The following SDR9C7 variants were observed in gnomAD, a reference collection of about 807,000 sequenced individuals.
The protein encoded by SDR9C7 is short-chain dehydrogenase/reductase family 9C member 7.
SDR9C7 carries 11 observed loss-of-function variants against 23.6 expected under a neutral mutation model. The ratio of observed to expected loss-of-function variants is 0.47; its 90% CI spans 0.29 to 0.77. SDR9C7 has a LOEUF of 0.77. Among genes scored for constraint, SDR9C7 ranks in the 30% least tolerant of loss-of-function variants. SDR9C7 has a pLI of 0.09. For missense variants in SDR9C7, 387 were observed against 407.1 expected, an observed-to-expected ratio of 0.95 and a Z score of 0.42; for synonymous variants, 167 against 157.3, an observed-to-expected ratio of 1.06 and a Z score of -0.46.
At chr12:56,928,861 T>A (rs1289674841) in intron 3 of SDR9C7, among the ~76,000 whole-genome samples, 1 of 152,144 alleles carries the variant, frequency 6.6e-6, no homozygotes, top group African/African-American at 2.4e-5. Flanking sequence ...CCCTCCCTTT[T>A]AAATCCCCAT....
In SDR9C7 at chr12:56,923,754, G is replaced by A. The variant is rs1955713430; in HGVS notation, c.*79C>T. ...TGCAGCCAATGCCCCCAGGATAACCGATACCACCTTTTGTGACCCCACGGT... is the reference window on the plus strand; with the variant it reads ...TGCAGCCAATGCCCCCAGGATAACCAATACCACCTTTTGTGACCCCACGGT... On this transcript the variant is annotated 3_prime_UTR_variant, in exon 4 of 4. Coordinates refer to ENST00000293502, the MANE Select transcript of SDR9C7 (RefSeq NM_148897.3). 3.4e-6 allele frequency: 4 copies of A among 1,182,024 alleles called. No individual in the cohort carries two copies. The highest frequency in any genetic ancestry group is 1.5e-5 in the South Asian group (1 of 65,018). The allele number at this position is 1,182,024 out of a possible 1,614,324, so 73.2% of individuals were successfully genotyped here.
intron 1 of SDR9C7, among the ~76,000 whole-genome samples, chr12:56,931,824 A>T (rs981769483): frequency 6.6e-6 from 1 of 151,984 alleles, no homozygotes; most frequent in Admixed American, 6.6e-5. Context: ...CAGCCCCAAG[A>T]TACTCTGCAG....
At position 56,930,359 on chromosome 12, in the gene SDR9C7, G is replaced by A. The variant is rs2136369068; in HGVS notation, c.427C>T (p.His143Tyr). 2 of 1,614,128 alleles carry A rather than the reference G, an allele frequency of 1.2e-6. No homozygotes were observed. Among genetic ancestry groups the A allele is most frequent in the East Asian group, 2.2e-5 (1 of 44,866 alleles). The change falls in exon 2 of 4, where the codon CAC becomes TAC. Residue 143 changes from histidine (H) to tyrosine (Y), a missense_variant. Physicochemically the swap from His to Tyr is moderately conservative, Grantham distance 83. Coordinates refer to ENST00000293502, the MANE Select transcript of SDR9C7 (RefSeq NM_148897.3). ...GCTCTCTTGACCATGGGCAGCATGT[G>A]AAGGGTCACTTCGATCAGTCCCACC... ...NLVGLIEVTL[H>Y]MLPMVKRARG...
intron 3 of SDR9C7, among the ~76,000 whole-genome samples, chr12:56,927,609 C>T (rs1955742860): frequency 6.6e-6 from 1 of 152,154 alleles, no homozygotes; most frequent in Admixed American, 6.5e-5. Flanking sequence ...ATCTTGTGGT[C>T]CCCCATGACG....
intron 1 of SDR9C7, among the ~76,000 whole-genome samples, chr12:56,933,394 C>T (rs1021459742): frequency 6.6e-6 from 1 of 151,916 alleles, no homozygotes; most frequent in Non-Finnish European, 1.5e-5. Context: ...GATTCTTGCT[C>T]TGTCACGAGG....
Position 56,934,328 on chromosome 12 carries a change from T to C in SDR9C7, c.-67A>G. The stretch of plus-strand genomic sequence containing the variant: ...GAGACAGCAGGGAAGAAGCTGGTCC[T>C]CTGAGCCCTAGCAGGCAGTCTGCAG... On this transcript the variant is annotated 5_prime_UTR_variant, in exon 1 of 4. Transcript: ENST00000293502. The C allele has an allele frequency of 7.1e-7, 1 of 1,416,118 alleles. No individual in the cohort carries two copies. Among genetic ancestry groups the C allele is most frequent in the Non-Finnish European group, 9.7e-7 (1 of 1,030,836 alleles). 87.7% of individuals were successfully genotyped at this position (1,416,118 alleles called of 1,614,324 possible).
intron 3 of SDR9C7, among the ~76,000 whole-genome samples, 165 bp downstream of exon 3, chr12:56,929,225 T>C (rs748015594): frequency 6.6e-6 from 1 of 152,160 alleles, no homozygotes; most frequent in Non-Finnish European, 1.5e-5. Context: ...AAGTGATGAT[T>C]CTGCCACTTG....
At chr12:56,930,692 G>A (rs185375960) in intron 1 of SDR9C7, among the ~76,000 whole-genome samples, 3 of 152,296 alleles carry the variant, frequency 2.0e-5, no homozygotes, top group Admixed American at 1.3e-4. Context: ...AAAGTCTGCC[G>A]GCTAGCTGGC....
intron 3 of SDR9C7, among the ~76,000 whole-genome samples, chr12:56,927,130 G>C (rs528360174): frequency 6.6e-5 from 10 of 152,322 alleles, no homozygotes; most frequent in African/African-American, 2.4e-4. Flanking sequence ...AAATTATGGT[G>C]TGGACTACAG....
chr12:56,934,362 C>T lies in SDR9C7; in HGVS notation c.-101G>A. On this transcript the variant is annotated 5_prime_UTR_variant, in exon 1 of 4. Coordinates refer to ENST00000293502, the MANE Select transcript of SDR9C7 (RefSeq NM_148897.3). Reference sequence around the variant, plus strand: ...TAGCAGGCAGTCTGCAGGAAACCACCTGGAAGAAGAACTCTCCTTCCTCCC... The same window carrying T: ...TAGCAGGCAGTCTGCAGGAAACCACTTGGAAGAAGAACTCTCCTTCCTCCC... 1.0e-6 allele frequency: 1 copy of T among 996,272 alleles called. No homozygotes were observed. Among genetic ancestry groups the T allele is most frequent in the African/African-American group, 1.6e-5 (1 of 61,978 alleles). The allele number at this position is 996,272 out of a possible 1,614,324, so 61.7% of individuals were successfully genotyped here. A position where few individuals can be genotyped will look rare whatever the true frequency, so the allele number is the denominator to read the frequency against.
Position 56,923,642 on chromosome 12 carries a change from C to A in SDR9C7, c.*191G>T. On this transcript the variant is annotated 3_prime_UTR_variant, in exon 4 of 4. Transcript: ENST00000293502. ...GACCACCTCAGGTTTCTGTGGGGTCCCAGAGGGTGGGAAGAGGCATTCACC... is the reference window on the plus strand; with the variant it reads ...GACCACCTCAGGTTTCTGTGGGGTCACAGAGGGTGGGAAGAGGCATTCACC... The A allele has an allele frequency of 1.9e-6, 1 of 515,546 alleles. No homozygotes were observed. The highest frequency in any genetic ancestry group is 3.4e-6 in the Non-Finnish European group (1 of 293,988). The allele number at this position is 515,546 out of a possible 1,614,324, so 31.9% of individuals were successfully genotyped here. A position where few individuals can be genotyped will look rare whatever the true frequency, so the allele number is the denominator to read the frequency against.
chr12:56,929,088 C>T (rs1186551715), intron 3 of SDR9C7, among the ~76,000 whole-genome samples: 1 of 152,176 alleles, frequency 6.6e-6, no homozygotes, highest in African/African-American at 2.4e-5. Flanking sequence ...GCTCCAGCAG[C>T]CATGCCCTTG....
chr12:56,924,321 C>T (rs761920448), intron 3 of SDR9C7, among the ~76,000 whole-genome samples: 2 of 151,876 alleles, frequency 1.3e-5, no homozygotes, highest in African/African-American at 2.4e-5. Context: ...CCCAGCTACT[C>T]GGGAGGCTGA....
intron 2 of SDR9C7, 73 bp from the exon 3 acceptor site, chr12:56,929,626 CTG>C (rs1211374994): frequency 6.5e-7 from 1 of 1,545,102 alleles, no homozygotes; most frequent in Non-Finnish European, 8.9e-7. Flanking sequence ...TCTGGATGGG[CTG>C]GTCTTTCAGG....
intron 2 of SDR9C7, among the ~76,000 whole-genome samples, 163 bp downstream of exon 2, chr12:56,930,063 C>T (rs1405927426): frequency 6.6e-6 from 1 of 152,216 alleles, no homozygotes; most frequent in African/African-American, 2.4e-5. Flanking sequence ...CTCCTCATCC[C>T]TGCTCTTGGT....
chr12:56,932,154 G>A (rs1432316969), intron 1 of SDR9C7, among the ~76,000 whole-genome samples: 1 of 152,136 alleles, frequency 6.6e-6, no homozygotes, highest in Non-Finnish European at 1.5e-5. Flanking sequence ...TAAGGTTGCA[G>A]GTGGAATGGA....
intron 3 of SDR9C7, among the ~76,000 whole-genome samples, chr12:56,924,467 T>G (rs1955720182): frequency 6.8e-6 from 1 of 146,024 alleles, no homozygotes; most frequent in African/African-American, 2.6e-5. Context: ...CAAATAGTCT[T>G]ATTTATCTTT....
At chr12:56,932,332 G>A (rs1955773169) in intron 1 of SDR9C7, among the ~76,000 whole-genome samples, 1 of 152,146 alleles carries the variant, frequency 6.6e-6, no homozygotes, top group Non-Finnish European at 1.5e-5. Flanking sequence ...CCAACCTTGC[G>A]GGCCTTGAAG....
intron 1 of SDR9C7, among the ~76,000 whole-genome samples, chr12:56,932,584 A>C (rs1955774743): frequency 6.6e-6 from 1 of 152,220 alleles, no homozygotes; most frequent in Non-Finnish European, 1.5e-5. Context: ...TCACATGCTA[A>C]GTGAGGTATT....
Sources: allele counts gnomAD v4.1 joint callset (sites outside exome capture counted in the v4.1 genomes callset), GRCh38; gene constraint gnomAD v4.1.1; transcripts MANE v1.5; gene names NCBI Gene and HGNC (gene_info 2026-07-23, HGNC 2026-07-21).